Variants in SLC9A4 observed in about 807,000 individuals in gnomAD.
SLC9A4 encodes sodium/hydrogen exchanger 4.
Under a neutral mutation model 67.4 loss-of-function variants are expected in SLC9A4, and 63 were observed. The ratio of observed to expected loss-of-function variants is 0.93; its 90% CI spans 0.76 to 1.15. The LOEUF is 1.15. Among genes scored for constraint, SLC9A4 ranks in the 50% most tolerant of loss-of-function variants. The pLI is 0.00. For missense variants in SLC9A4, 1,089 were observed against 987.7 expected, an observed-to-expected ratio of 1.10 and a Z score of -1.38; for synonymous variants, 393 against 367.2, an observed-to-expected ratio of 1.07 and a Z score of -0.80.
At chr2:102,513,021 G>A (rs1269544795) in intron 7 of SLC9A4, among the ~76,000 whole-genome samples, 1 of 152,208 alleles carries the variant, frequency 6.6e-6, no homozygotes, top group Non-Finnish European at 1.5e-5. Flanking sequence ...AAAGCATCCA[G>A]TATGGGAAGA....
At chr2:102,527,642 C>T (rs1032795421) in intron 11 of SLC9A4, among the ~76,000 whole-genome samples, 3 of 152,082 alleles carry the variant, frequency 2.0e-5, no homozygotes, top group Non-Finnish European at 4.4e-5. Context: ...TAAATTTTTA[C>T]ATATATTGTC....
chr2:102,487,420 A>G (rs2310303), intron 2 of SLC9A4, among the ~76,000 whole-genome samples: 93,483 of 151,928 alleles, frequency 0.62, 29,219 homozygotes, highest in Middle Eastern at 0.69. Context: ...TCCACAACAG[A>G]CAACCCCTTT....
chr2:102,506,655 A>G (rs1685055791), intron 4 of SLC9A4, among the ~76,000 whole-genome samples: 1 of 152,144 alleles, frequency 6.6e-6, no homozygotes, highest in Non-Finnish European at 1.5e-5. Flanking sequence ...ATTTGAACAA[A>G]TTTCTTAGTT....
chr2:102,523,228 C>T (rs920416844), intron 9 of SLC9A4, among the ~76,000 whole-genome samples: 1 of 152,028 alleles, frequency 6.6e-6, no homozygotes, highest in Non-Finnish European at 1.5e-5. Flanking sequence ...CTTGTCTTGG[C>T]CTCCTGAAGT....
chr2:102,506,386 T>C (rs181069976), intron 4 of SLC9A4, among the ~76,000 whole-genome samples: 213 of 152,362 alleles, frequency 1.4e-3, no homozygotes, highest in Middle Eastern at 0.01. Flanking sequence ...ATAACCTATC[T>C]TGAACATATT....
intron 6 of SLC9A4, 137 bp from the exon 7 acceptor site, chr2:102,512,066 A>G (rs1685175328): frequency 3.6e-6 from 3 of 827,140 alleles, no homozygotes; most frequent in East Asian, 2.5e-5. Flanking sequence ...ATTTTATTAC[A>G]TGAACACAGT....
At chr2:102,492,355 A>G (rs1290439079) in intron 2 of SLC9A4, among the ~76,000 whole-genome samples, 1 of 152,260 alleles carries the variant, frequency 6.6e-6, no homozygotes, top group Non-Finnish European at 1.5e-5. Flanking sequence ...CTGCCCCTGC[A>G]GAAAACTTCA....
At chr2:102,501,976 C>G (rs566198987) in intron 2 of SLC9A4, among the ~76,000 whole-genome samples, 1 of 152,176 alleles carries the variant, frequency 6.6e-6, no homozygotes, top group Admixed American at 6.5e-5. Flanking sequence ...TCTAGAAGGT[C>G]CACACAGTCC....
chr2:102,478,029 C>G (rs1684369568), intron 1 of SLC9A4, among the ~76,000 whole-genome samples: 1 of 152,220 alleles, frequency 6.6e-6, no homozygotes, highest in Non-Finnish European at 1.5e-5. Flanking sequence ...CGTCTTTGCA[C>G]AACTAATACC....
At chr2:102,530,021 A>G (rs1049469669) in intron 11 of SLC9A4, among the ~76,000 whole-genome samples, 2 of 152,248 alleles carry the variant, frequency 1.3e-5, no homozygotes, top group African/African-American at 4.8e-5. Context: ...TAACACGACA[A>G]TGTGAATGCA....
At chr2:102,487,290 T>C (rs1395651575) in intron 2 of SLC9A4, among the ~76,000 whole-genome samples, 1 of 151,930 alleles carries the variant, frequency 6.6e-6, no homozygotes, top group Non-Finnish European at 1.5e-5. Context: ...ATGAAGAGCT[T>C]GGACTTGGCT....
intron 1 of SLC9A4, among the ~76,000 whole-genome samples, chr2:102,478,237 A>C (rs1351871549): frequency 6.6e-6 from 1 of 152,198 alleles, no homozygotes; most frequent in Non-Finnish European, 1.5e-5. Context: ...AATGGAGAGG[A>C]GGGGATAGAT....
In SLC9A4 at chr2:102,479,036, T is replaced by C. The variant is rs138862677; in HGVS notation, c.454T>C (p.Phe152Leu). Residue 152 changes from phenylalanine to leucine, a missense_variant, in exon 2 of 12, where the codon TTT (phenylalanine) becomes CTT (leucine). Coordinates refer to ENST00000295269, the MANE Select transcript of SLC9A4 (RefSeq NM_001011552.4). Reference sequence around the variant, plus strand: ...CTACTTCATGCCCACCCGGCCCTTCTTTGAGAACATCGGCTCCATCCTGTG... The same window carrying C: ...CTACTTCATGCCCACCCGGCCCTTCCTTGAGAACATCGGCTCCATCCTGTG... ...GGYFMPTRPF[F>L]ENIGSILWWA... 5 of 1,614,054 alleles carry C rather than the reference T, an allele frequency of 3.1e-6. No individual in the cohort carries two copies. The highest frequency in any genetic ancestry group is 2.7e-5 in the African/African-American group (2 of 74,946).
At chr2:102,482,618 A>G (rs1320077866) in intron 2 of SLC9A4, among the ~76,000 whole-genome samples, 1 of 152,136 alleles carries the variant, frequency 6.6e-6, no homozygotes, top group Non-Finnish European at 1.5e-5. Flanking sequence ...CATCTCCCAG[A>G]GATAACCTTC....
At chr2:102,482,164 A>G (rs1301183689) in intron 2 of SLC9A4, among the ~76,000 whole-genome samples, 1 of 152,200 alleles carries the variant, frequency 6.6e-6, no homozygotes. Context: ...CCAGACTGTC[A>G]TAGGATTCAG....
chr2:102,517,515 G>C (rs1159353550), intron 8 of SLC9A4, among the ~76,000 whole-genome samples: 1 of 152,184 alleles, frequency 6.6e-6, no homozygotes, highest in Non-Finnish European at 1.5e-5. Context: ...TTGGAGAGAA[G>C]AAATAAGCTC....
intron 11 of SLC9A4, among the ~76,000 whole-genome samples, chr2:102,527,555 T>C (rs1399020823): frequency 1.1e-4 from 17 of 152,240 alleles, no homozygotes; most frequent in Admixed American, 1.1e-3. Context: ...TTGTGATTGG[T>C]ATTTTAACAA....
rs755717876 is a variant in SLC9A4, at chr2:102,508,143, G to A, written c.1263G>A (p.Gln421=). ...FRTFPFSIKD[Q]CIIFYSGVRG... is the part of the protein sequence containing the mutation. ...CTTTCCCCTTCTCCATCAAGGACCA[G>A]TGCATCATTTTCTACAGTGGTGTTC... Residue 421 remains glutamine, a synonymous_variant, in exon 5 of 12, where the codon CAG becomes CAA. Coordinates refer to ENST00000295269, the MANE Select transcript of SLC9A4 (RefSeq NM_001011552.4). 4 of 1,614,162 alleles carry A rather than the reference G, an allele frequency of 2.5e-6. No individual in the cohort carries two copies. In the South Asian group the frequency reaches 4.4e-5, roughly 18 times the overall value.
intron 10 of SLC9A4, 112 bp downstream of exon 10, chr2:102,525,267 C>G: frequency 6.7e-7 from 1 of 1,484,166 alleles, no homozygotes; most frequent in Admixed American, 2.0e-5. Flanking sequence ...CTTAAACAAA[C>G]AAAACCCCAC....
Sources: gnomAD v4.1 joint callset for allele counts (sites outside exome capture counted in the v4.1 genomes callset) on GRCh38, gnomAD v4.1.1 for gene constraint, MANE v1.5 for transcripts, NCBI Gene and HGNC (gene_info 2026-07-23, HGNC 2026-07-21) for gene names.